Variants in SGCD observed in about 807,000 individuals in gnomAD.
SGCD encodes sarcoglycan delta.
Under a neutral mutation model 36.6 loss-of-function variants are expected in SGCD, and 18 were observed. The observed-to-expected ratio is 0.49, with a 90% CI of 0.34 to 0.73. The LOEUF is 0.73. Ranked by LOEUF, SGCD falls within the 30% of genes least tolerant of loss-of-function variation. SGCD has a pLI of 0.01. For synonymous variants in SGCD, 133 were observed against 130.6 expected, an observed-to-expected ratio of 1.02 and a Z score of -0.12; for missense variants, 387 against 346.7, an observed-to-expected ratio of 1.12 and a Z score of -0.92.
chr5:156,390,781 A>G (rs1234122877), intron 3 of SGCD, among the ~76,000 whole-genome samples: 2 of 152,222 alleles, frequency 1.3e-5, no homozygotes, highest in East Asian at 3.9e-4. Context: ...AATAAAACTT[A>G]TAGAATAAGG....
chr5:156,383,142 C>T (rs1580904014), intron 3 of SGCD, among the ~76,000 whole-genome samples: 1 of 152,198 alleles, frequency 6.6e-6, no homozygotes, highest in African/African-American at 2.4e-5. Context: ...AAACCTGGGC[C>T]ATGTGCTGTG....
chr5:156,730,949 G>C (rs866122949), intron 7 of SGCD, among the ~76,000 whole-genome samples: 1 of 151,948 alleles, frequency 6.6e-6, no homozygotes, highest in African/African-American at 2.4e-5. Context: ...ATTCCGACTG[G>C]TGTGAGGTAT....
At chr5:156,691,360 A>G (rs575279289) in intron 7 of SGCD, among the ~76,000 whole-genome samples, 28 of 152,258 alleles carry the variant, frequency 1.8e-4, no homozygotes, top group African/African-American at 6.7e-4. Flanking sequence ...GAGACTCAAT[A>G]GCTATGTGGC....
chr5:156,110,026 C>T (rs1453527146), intron 1 of SGCD, among the ~76,000 whole-genome samples: 1 of 152,194 alleles, frequency 6.6e-6, no homozygotes, highest in Non-Finnish European at 1.5e-5. Context: ...CAGCAGATAA[C>T]TCACCTCTGC....
intron 7 of SGCD, among the ~76,000 whole-genome samples, chr5:156,711,219 T>C (rs1239246926): frequency 6.6e-6 from 1 of 152,042 alleles, no homozygotes; most frequent in Non-Finnish European, 1.5e-5. Flanking sequence ...ATTCAGTTCT[T>C]TGGGGGGCTT....
At chr5:156,380,521 T>A (rs1770922153) in intron 3 of SGCD, among the ~76,000 whole-genome samples, 1 of 152,234 alleles carries the variant, frequency 6.6e-6, no homozygotes, top group Non-Finnish European at 1.5e-5. Context: ...ATGACTTGCA[T>A]GAGGCATTGT....
chr5:156,580,152 T>G (rs1478736568), intron 4 of SGCD, among the ~76,000 whole-genome samples: 3 of 152,194 alleles, frequency 2.0e-5, no homozygotes, highest in Non-Finnish European at 4.4e-5. Context: ...GTAAAGGATT[T>G]TATTTCTCCT....
At chr5:156,646,217 G>A (rs112369252) in intron 6 of SGCD, among the ~76,000 whole-genome samples, 3 of 152,284 alleles carry the variant, frequency 2.0e-5, no homozygotes, top group Non-Finnish European at 2.9e-5. Flanking sequence ...GAGGGAGCAT[G>A]AGCATCTTGT....
chr5:156,610,123 G>A (rs1402017326), intron 6 of SGCD, among the ~76,000 whole-genome samples: 1 of 149,610 alleles, frequency 6.7e-6, no homozygotes, highest in Non-Finnish European at 1.5e-5. Context: ...GAGGTGCTCT[G>A]ATTTTTAGAG....
chr5:156,029,887 TTCTC>T (rs1759306619), intron 1 of SGCD, among the ~76,000 whole-genome samples: 1 of 152,172 alleles, frequency 6.6e-6, no homozygotes, highest in Non-Finnish European at 1.5e-5. Flanking sequence ...ACAGCCTCTT[TTCTC>T]TCTGTCTCCA....
At chr5:155,773,942 T>A in the SGCD span, among the ~76,000 whole-genome samples, 1 of 152,100 alleles carries the variant, frequency 6.6e-6, no homozygotes, top group East Asian at 1.9e-4. Flanking sequence ...AGCATGAAAC[T>A]GTCTCCTCAC....
intron 6 of SGCD, among the ~76,000 whole-genome samples, chr5:156,618,299 G>T (rs1762096833): frequency 6.6e-6 from 1 of 152,064 alleles, no homozygotes; most frequent in African/African-American, 2.4e-5. Flanking sequence ...TAATCTGCTG[G>T]GTATTCAACT....
intron 3 of SGCD, among the ~76,000 whole-genome samples, chr5:156,272,177 C>G (rs1333311840): frequency 6.6e-6 from 1 of 152,074 alleles, no homozygotes; most frequent in East Asian, 1.9e-4. Context: ...CTCAATCTTC[C>G]CCCCACTCTG....
chr5:156,161,072 G>C (rs949905033), intron 3 of SGCD, among the ~76,000 whole-genome samples: 4 of 151,674 alleles, frequency 2.6e-5, no homozygotes, highest in Non-Finnish European at 4.4e-5. Context: ...TTAGATATTG[G>C]CATAATACAT....
At chr5:156,061,807 G>A (rs1581071080) in intron 1 of SGCD, among the ~76,000 whole-genome samples, 2 of 145,298 alleles carry the variant, frequency 1.4e-5, no homozygotes, top group East Asian at 3.9e-4. Context: ...CTGACAGTTT[G>A]GGGACATGTG....
intron 3 of SGCD, among the ~76,000 whole-genome samples, chr5:156,307,555 G>GTTTTTTTTTTTTTTTTTTT (rs59481792): frequency 4.9e-5 from 2 of 41,156 alleles, no homozygotes; most frequent in Admixed American, 3.4e-4. Context: ...TTTAACTGTT[G>GTTTTTTTTTTTTTTTTTTT]TTTTTTTTTT....
chr5:155,801,476 G>A, the SGCD span, among the ~76,000 whole-genome samples: 2 of 152,028 alleles, frequency 1.3e-5, no homozygotes, highest in African/African-American at 4.8e-5. Context: ...ACTTTATATA[G>A]GACTCTGAAG....
intron 2 of SGCD, among the ~76,000 whole-genome samples, chr5:156,121,874 A>T (rs958529780): frequency 7.9e-5 from 12 of 152,078 alleles, no homozygotes; most frequent in Non-Finnish European, 1.8e-4. Context: ...ATCTGAAAAC[A>T]GCATGATGAA....
At chr5:156,145,770 G>T (rs990422070) in intron 3 of SGCD, among the ~76,000 whole-genome samples, 1 of 152,108 alleles carries the variant, frequency 6.6e-6, no homozygotes, top group African/African-American at 2.4e-5. Flanking sequence ...AAGTGAAAAA[G>T]CATGCATGTG....
Sources: gnomAD v4.1 joint callset for allele counts (sites outside exome capture counted in the v4.1 genomes callset) on GRCh38, gnomAD v4.1.1 for gene constraint, MANE v1.5 for transcripts, NCBI Gene and HGNC (gene_info 2026-07-23, HGNC 2026-07-21) for gene names.